CHFR: variants seen among roughly 807,000 people sequenced by gnomAD.
The protein encoded by CHFR is E3 ubiquitin-protein ligase CHFR.
A neutral mutation model predicts 87.6 loss-of-function variants in CHFR; 57 were observed. That is an observed-to-expected ratio of 0.65 (90% CI 0.53 to 0.81). CHFR has a LOEUF of 0.81. CHFR is among the 30% of genes least tolerant of loss of function. CHFR has a pLI of 0.00. For missense variants in CHFR, 797 were observed against 865.8 expected, an observed-to-expected ratio of 0.92 and a Z score of 1.00; for synonymous variants, 381 against 359.2, an observed-to-expected ratio of 1.06 and a Z score of -0.69.
chr12:132,857,117 C>T (rs1428717508), intron 9 of CHFR, among the ~76,000 whole-genome samples: 17 of 125,892 alleles, frequency 1.4e-4, no homozygotes, highest in African/African-American at 4.7e-4. Flanking sequence ...CTCACGTGCC[C>T]GGGTGCTGGT....
Position 132,857,473 on chromosome 12 carries a change from G to T in CHFR, c.998C>A (p.Pro333His). The change falls in exon 9 of 18, where the codon CCC (proline) becomes CAC (histidine). Residue 333 changes from proline (P) to histidine (H), a missense_variant. Physicochemically the swap from Pro to His is moderately conservative, Grantham distance 77 (BLOSUM62 -2). This residue lies in a region of CHFR where 597 missense variants were observed against 601.2 expected (regional missense o/e 0.99). Transcript: ENST00000450056. Reference protein sequence around the residue: ...RSSLCPTCRCPVERICKNHIL... With the variant: ...RSSLCPTCRCHVERICKNHIL... Reference sequence around the variant, plus strand: ...GTGGTTTTTACAGATCCGCTCCACGGGACAGCGGCAGGTAGGACACAGGGA... The same window carrying T: ...GTGGTTTTTACAGATCCGCTCCACGTGACAGCGGCAGGTAGGACACAGGGA... The T allele has an allele frequency of 6.2e-7, 1 of 1,614,208 alleles. No individual in the cohort carries two copies. The highest frequency in any genetic ancestry group is 8.5e-7 in the Non-Finnish European group (1 of 1,180,034).
At chr12:132,887,445 A>G in intron 1 of CHFR, 102 bp downstream of exon 1, 1 of 848,496 alleles carries the variant, frequency 1.2e-6, no homozygotes, top group Non-Finnish European at 1.4e-6. Context: ...GCGCCCACGC[A>G]GCCCCGCAGC....
At chr12:132,853,950 T>C in intron 10 of CHFR, 1 of 205,062 alleles carries the variant, frequency 4.9e-6, no homozygotes, top group Non-Finnish European at 9.7e-6. Flanking sequence ...CAGAGCGCGG[T>C]GGGCAACGTA....
rs138207644 is a variant in CHFR, at chr12:132,853,460, G to A, written c.1343C>T (p.Ala448Val). Reference protein sequence around the residue: ...EPGAPQALGDAPSTSVSLTTA... With the variant: ...EPGAPQALGDVPSTSVSLTTA... ...CGTCAGGCTGACGGACGTGGAGGGT[G>A]CATCCCCCAGGGCCTGTGGGGCTCC... Residue 448 changes from alanine (A) to valine (V), a missense_variant, in exon 11 of 18, where the codon GCA (alanine) becomes GTA (valine). Physicochemically the swap from Ala to Val is moderately conservative, Grantham distance 64 (BLOSUM62 0). Around this residue, in one of 2 missense-constraint regions of CHFR, gnomAD observed 597 missense variants for 601.2 expected, o/e 0.99. Coordinates refer to ENST00000450056, the MANE Select transcript of CHFR (RefSeq NM_001161346.2). 4.9e-5 allele frequency: 76 copies of A among 1,538,420 alleles called. No individual in the cohort carries two copies. In the African/African-American group the frequency reaches 7.2e-4, roughly 15 times the overall value.
intron 15 of CHFR, among the ~76,000 whole-genome samples, chr12:132,846,301 C>T (rs547342987): frequency 7.0e-6 from 1 of 143,522 alleles, no homozygotes; most frequent in African/African-American, 2.6e-5. Context: ...CTCGCTCTGT[C>T]CCCCAGGCTG....
At chr12:132,859,867 C>G (rs1012499739) in intron 7 of CHFR, among the ~76,000 whole-genome samples, 9 of 151,896 alleles carry the variant, frequency 5.9e-5, no homozygotes, top group Non-Finnish European at 1.2e-4. Flanking sequence ...TATAATGAAA[C>G]CCCATCTCTA....
chr12:132,876,170 T>C (rs558378924), intron 3 of CHFR, among the ~76,000 whole-genome samples: 7 of 140,360 alleles, frequency 5.0e-5, no homozygotes, highest in Admixed American at 4.9e-4. Context: ...TGAAACTCCA[T>C]CTCAAAAAAA....
intron 15 of CHFR, among the ~76,000 whole-genome samples, chr12:132,846,552 G>A (rs1336621785): frequency 2.0e-5 from 3 of 151,562 alleles, no homozygotes; most frequent in Non-Finnish European, 2.9e-5. Flanking sequence ...TTACAGGCGT[G>A]AGCCACCACA....
chr12:132,848,531 G>T (rs1484763163), intron 13 of CHFR, 110 bp downstream of exon 13: 7 of 810,532 alleles, frequency 8.6e-6, no homozygotes, highest in Non-Finnish European at 1.0e-5. Flanking sequence ...ACCAACAGTG[G>T]CCTCATCCCT....
intron 3 of CHFR, 81 bp downstream of exon 3, chr12:132,877,474 C>T (rs879518298): frequency 4.0e-5 from 34 of 842,544 alleles, no homozygotes; most frequent in East Asian, 2.7e-5. Flanking sequence ...CCTCCTCAGC[C>T]GTGGCACACA....
At chr12:132,852,731 C>T (rs1300841378) in intron 11 of CHFR, among the ~76,000 whole-genome samples, 7 of 152,218 alleles carry the variant, frequency 4.6e-5, no homozygotes, top group South Asian at 2.1e-4. Flanking sequence ...CTGCTTTGTC[C>T]GTTCCGTCCA....
At chr12:132,865,947 T>A (rs555911029) in intron 6 of CHFR, 1 of 152,418 alleles carries the variant, frequency 6.6e-6, no homozygotes, top group East Asian at 1.9e-4. Context: ...GTGCTGGGAT[T>A]ACAGGCGTGA....
At chr12:132,878,536 T>C (rs1393798781) in intron 2 of CHFR, among the ~76,000 whole-genome samples, 2 of 151,402 alleles carry the variant, frequency 1.3e-5, no homozygotes, top group African/African-American at 4.9e-5. Flanking sequence ...TGAGTATTAT[T>C]AGAACTTTAA....
At chr12:132,873,168 G>A (rs1187831794) in intron 3 of CHFR, among the ~76,000 whole-genome samples, 1 of 152,204 alleles carries the variant, frequency 6.6e-6, no homozygotes, top group Non-Finnish European at 1.5e-5. Context: ...CGAGGCCCCA[G>A]CAGTGGACAG....
At chr12:132,880,499 C>G (rs997681764) in intron 2 of CHFR, among the ~76,000 whole-genome samples, 30 of 147,902 alleles carry the variant, frequency 2.0e-4, no homozygotes, top group Admixed American at 3.4e-4. Flanking sequence ...TCTACCAAAA[C>G]TACAAAAAAT....
At chr12:132,866,360 ACAACACAC>A (rs1305394988) in intron 6 of CHFR, 1 of 152,228 alleles carries the variant, frequency 6.6e-6, no homozygotes, top group Non-Finnish European at 1.5e-5. Flanking sequence ...CTGGAATGTT[ACAACACAC>A]CAACACACCG....
chr12:132,883,690 G>A (rs1951820404), intron 2 of CHFR, among the ~76,000 whole-genome samples: 1 of 152,252 alleles, frequency 6.6e-6, no homozygotes, highest in South Asian at 2.1e-4. Context: ...TCGTGCCACT[G>A]CACTCCAGAC....
chr12:132,877,077 G>A (rs566818059), intron 3 of CHFR, among the ~76,000 whole-genome samples: 3 of 152,156 alleles, frequency 2.0e-5, no homozygotes, highest in Admixed American at 6.6e-5. Context: ...TTACAGGTGT[G>A]AGCCACCGCG....
intron 2 of CHFR, among the ~76,000 whole-genome samples, chr12:132,878,113 T>C (rs561277934): frequency 1.1e-3 from 165 of 149,186 alleles, no homozygotes; most frequent in Middle Eastern, 3.4e-3. Flanking sequence ...ATCCTGAACC[T>C]TTCTGAATCC....
Sources: gnomAD v4.1 joint callset for allele counts (sites outside exome capture counted in the v4.1 genomes callset) on GRCh38, gnomAD v4.1.1 for gene constraint, gnomAD v4.1.1 regional missense constraint, MANE v1.5 for transcripts, NCBI Gene and HGNC (gene_info 2026-07-23, HGNC 2026-07-21) for gene names.